Variants in METAP1 observed in about 807,000 individuals in gnomAD.
METAP1 encodes the protein methionine aminopeptidase 1.
METAP1 carries 28 observed loss-of-function variants against 53.8 expected under a neutral mutation model. The observed-to-expected ratio is 0.52, with a 90% confidence interval of 0.39 to 0.71. The LOEUF is 0.71. Among genes scored for constraint, METAP1 ranks in the 30% least tolerant of loss-of-function variants. The pLI is 0.00. For missense variants in METAP1, 389 were observed against 479.8 expected, an observed-to-expected ratio of 0.81 and a Z score of 1.77; for synonymous variants, 181 against 165.7, an observed-to-expected ratio of 1.09 and a Z score of -0.71.
chr4:99,031,796 C>T, intron 2 of METAP1: 2 of 390,786 alleles, frequency 5.1e-6, no homozygotes, highest in South Asian at 2.0e-5. Flanking sequence ...AGCCTGCATA[C>T]AACTTTTTAA....
At chr4:99,017,601 C>T (rs140428268) in intron 1 of METAP1, among the ~76,000 whole-genome samples, 13 of 152,300 alleles carry the variant, frequency 8.5e-5, no homozygotes, top group African/African-American at 1.4e-4. Flanking sequence ...CTTAAGAATC[C>T]GGCAGGGTCA....
intron 10 of METAP1, among the ~76,000 whole-genome samples, chr4:99,059,273 T>G (rs1251442507): frequency 6.6e-6 from 1 of 151,966 alleles, no homozygotes; most frequent in Non-Finnish European, 1.5e-5. Flanking sequence ...TAAGTTTGAC[T>G]TGACATTACT....
chr4:99,029,735 A>AT lies in METAP1; in HGVS notation c.166+827dup, dbSNP rs374010436. Reference sequence around the variant, plus strand: ...GTGTCTTATATTCATCTACTTGTGTATTTTTTTTTTAGGAGTTAGCTGATT... The same window carrying AT: ...GTGTCTTATATTCATCTACTTGTGTATTTTTTTTTTTAGGAGTTAGCTGATT... On this transcript the variant is annotated intron_variant, in intron 2 of 10. Coordinates refer to ENST00000296411, the MANE Select transcript of METAP1 (RefSeq NM_015143.3). Among the ~76,000 whole-genome samples, 1,221 of 148,586 alleles carry AT rather than the reference A, an allele frequency of 8.2e-3. 9 individuals carry two copies. The highest frequency in any genetic ancestry group is 0.028 in the African/African-American group (1,139 of 40,588).
chr4:99,018,482 A>T (rs1723906937), intron 1 of METAP1, among the ~76,000 whole-genome samples: 1 of 152,210 alleles, frequency 6.6e-6, no homozygotes. Context: ...CTGGGGCAAT[A>T]CTATCCACCG....
chr4:99,039,701 C>T (rs1210490437), intron 5 of METAP1, among the ~76,000 whole-genome samples: 2 of 151,530 alleles, frequency 1.3e-5, no homozygotes, highest in Non-Finnish European at 2.9e-5. Context: ...TCAAGCGATT[C>T]TTCTGCCTCA....
intron 9 of METAP1, 45 bp from the exon 10 acceptor site, chr4:99,057,708 A>G (rs1727252969): frequency 1.4e-6 from 2 of 1,426,128 alleles, no homozygotes; most frequent in Non-Finnish European, 1.9e-6. Context: ...TCAACAGTAC[A>G]CTGTTGGTTT....
chr4:99,032,505 A>G (rs1159674455), intron 2 of METAP1, among the ~76,000 whole-genome samples: 1 of 152,124 alleles, frequency 6.6e-6, no homozygotes, highest in Non-Finnish European at 1.5e-5. Flanking sequence ...TGCTGGTATT[A>G]CAGGCGTGAC....
intron 1 of METAP1, among the ~76,000 whole-genome samples, chr4:99,020,748 A>G (rs912026907): frequency 6.6e-6 from 1 of 152,148 alleles, no homozygotes; most frequent in Non-Finnish European, 1.5e-5. Flanking sequence ...AAGCTGGCAG[A>G]CCCAGTCTTC....
At chr4:99,045,826 A>T (rs1406700624) in intron 8 of METAP1, among the ~76,000 whole-genome samples, 2 of 152,230 alleles carry the variant, frequency 1.3e-5, no homozygotes, top group African/African-American at 4.8e-5. Context: ...TGGAATCATA[A>T]TATTTTTAAT....
intron 9 of METAP1, 78 bp from the exon 10 acceptor site, chr4:99,057,675 A>T: frequency 2.0e-6 from 2 of 1,007,028 alleles, no homozygotes; most frequent in East Asian, 5.2e-5. Context: ...AATTTGAGTT[A>T]TGTACTCTTT....
intron 1 of METAP1, among the ~76,000 whole-genome samples, chr4:99,002,153 A>G (rs1369318090): frequency 6.6e-6 from 1 of 152,148 alleles, no homozygotes; most frequent in African/African-American, 2.4e-5. Flanking sequence ...AGTTTTAGTA[A>G]ATTTCATAGG....
intron 9 of METAP1, among the ~76,000 whole-genome samples, chr4:99,055,469 G>C (rs1727043396): frequency 6.6e-6 from 1 of 151,996 alleles, no homozygotes; most frequent in African/African-American, 2.4e-5. Flanking sequence ...ATAAAACAAG[G>C]CATGCCTGCA....
intron 8 of METAP1, among the ~76,000 whole-genome samples, chr4:99,046,900 T>C (rs1726284252): frequency 7.0e-6 from 1 of 142,418 alleles, no homozygotes. Context: ...TCAATATTTC[T>C]ATTCTTTTTG....
chr4:99,031,205 T>G (rs899939917), intron 2 of METAP1, among the ~76,000 whole-genome samples: 19 of 151,758 alleles, frequency 1.3e-4, no homozygotes, highest in Admixed American at 4.6e-4. Context: ...TGGGTGCATG[T>G]TTTTTATACT....
chr4:99,035,668 A>C (rs1000837448), intron 4 of METAP1, among the ~76,000 whole-genome samples: 2 of 152,170 alleles, frequency 1.3e-5, no homozygotes, highest in African/African-American at 4.8e-5. Flanking sequence ...GTAGCTGTTA[A>C]AGACTATATT....
chr4:99,024,336 G>C (rs1239985347), intron 1 of METAP1, among the ~76,000 whole-genome samples: 2 of 152,200 alleles, frequency 1.3e-5, no homozygotes, highest in African/African-American at 4.8e-5. Flanking sequence ...TCTTGCCGAT[G>C]TTCCTGGCCA....
chr4:98,996,086 G>A (rs902836223), intron 1 of METAP1, among the ~76,000 whole-genome samples: 1 of 152,140 alleles, frequency 6.6e-6, no homozygotes, highest in Non-Finnish European at 1.5e-5. Flanking sequence ...GGGGGCGGGG[G>A]CGCCACCCGC....
intron 7 of METAP1, 107 bp downstream of exon 7, chr4:99,043,494 T>C (rs1038804590): frequency 1.2e-5 from 15 of 1,219,764 alleles, no homozygotes; most frequent in Admixed American, 2.7e-5. Context: ...ACTTAAACTT[T>C]TTCCTTTTTA....
At chr4:99,006,363 A>G (rs1420609266) in intron 1 of METAP1, among the ~76,000 whole-genome samples, 1 of 152,212 alleles carries the variant, frequency 6.6e-6, no homozygotes, top group Non-Finnish European at 1.5e-5. Flanking sequence ...ATTTCAAACA[A>G]ATAGAAAAGT....
Sources: gnomAD v4.1 joint callset for allele counts (sites outside exome capture counted in the v4.1 genomes callset) on GRCh38, gnomAD v4.1.1 for gene constraint, MANE v1.5 for transcripts, NCBI Gene and HGNC (gene_info 2026-07-23, HGNC 2026-07-21) for gene names.